CNTNAP2: variants seen among roughly 807,000 people sequenced by gnomAD.
CNTNAP2 encodes contactin associated protein 2.
In CNTNAP2, 98 loss-of-function variants were observed where a neutral mutation model predicts 155.2. That is an observed-to-expected ratio of 0.63 (90% confidence interval 0.54 to 0.75). CNTNAP2 has a LOEUF of 0.75. CNTNAP2 is among the 30% of genes least tolerant of loss of function. The pLI, the probability that CNTNAP2 is intolerant of heterozygous loss-of-function variation, is 0.00. For synonymous variants in CNTNAP2, 651 were observed against 631.2 expected (o/e 1.03, Z -0.47); for missense variants, 1,727 against 1,688.1 (o/e 1.02, Z -0.40).
At chr7:146,874,129 A>G (rs1319021429) in intron 3 of CNTNAP2, among the ~76,000 whole-genome samples, 2 of 152,050 alleles carry the variant, frequency 1.3e-5, no homozygotes, top group African/African-American at 4.8e-5. Context: ...GAAGAAGGAA[A>G]TATCAAGTCT....
intron 2 of CNTNAP2, among the ~76,000 whole-genome samples, chr7:146,824,859 C>A (rs534474585): frequency 1.8e-4 from 7 of 39,082 alleles, no homozygotes; most frequent in African/African-American, 5.4e-4. Flanking sequence ...GAATTTTGGA[C>A]CTGTTTTTTT....
At chr7:146,938,041 C>G (rs1368467882) in intron 3 of CNTNAP2, among the ~76,000 whole-genome samples, 2 of 152,054 alleles carry the variant, frequency 1.3e-5, no homozygotes, top group African/African-American at 4.8e-5. Flanking sequence ...GTCATGAGGT[C>G]GTTTGAACCA....
chr7:147,351,613 G>C (rs927762101), intron 9 of CNTNAP2, among the ~76,000 whole-genome samples: 1 of 151,732 alleles, frequency 6.6e-6, no homozygotes, highest in Non-Finnish European at 1.5e-5. Context: ...ATTTGTTATA[G>C]TCTAAATTTG....
intron 10 of CNTNAP2, among the ~76,000 whole-genome samples, chr7:147,469,353 C>T (rs1254907962): frequency 1.3e-5 from 2 of 151,886 alleles, no homozygotes; most frequent in Admixed American, 1.3e-4. Flanking sequence ...TCTGAAAACC[C>T]CTAATTGAAG....
rs116945539 is a variant in CNTNAP2, at chr7:147,227,668, T to C, written c.1349-72473T>C. On this transcript the variant is annotated intron_variant, in intron 8 of 23. Transcript: ENST00000361727. The stretch of plus-strand genomic sequence containing the variant: ...TTAGAAAGTTCAAAGTTGTCATAAA[T>C]TGAGATGGCAAAGGTTACATACAGC... 2.5e-3 allele frequency among the ~76,000 whole-genome samples: 381 copies of C among 152,240 alleles called. 2 individuals are homozygous for C. Among genetic ancestry groups the C allele is most frequent in the South Asian group, 0.021 (100 of 4,824 alleles).
intron 1 of CNTNAP2, among the ~76,000 whole-genome samples, chr7:146,673,042 ATTTT>A (rs953868601): frequency 6.6e-6 from 1 of 151,434 alleles, no homozygotes; most frequent in African/African-American, 2.4e-5. Flanking sequence ...TTTACTTCTC[ATTTT>A]TTTTCCATTA....
chr7:147,311,898 T>G (rs764740967), intron 9 of CNTNAP2, among the ~76,000 whole-genome samples: 3 of 152,152 alleles, frequency 2.0e-5, no homozygotes, highest in Non-Finnish European at 2.9e-5. Context: ...CTGTTATTGC[T>G]TATTTTGTCT....
intron 18 of CNTNAP2, among the ~76,000 whole-genome samples, chr7:148,173,433 A>G (rs1404667556): frequency 6.6e-6 from 1 of 152,234 alleles, no homozygotes; most frequent in East Asian, 1.9e-4. Context: ...TCAGACTCTG[A>G]TGAATACATG....
intron 1 of CNTNAP2, among the ~76,000 whole-genome samples, chr7:146,475,011 G>GCGCA (rs375026615): frequency 7.4e-6 from 1 of 134,656 alleles, no homozygotes; most frequent in African/African-American, 2.7e-5. Flanking sequence ...GCGCGCGCGC[G>GCGCA]CGCACACACA....
chr7:146,461,079 C>T (rs868271021), intron 1 of CNTNAP2, among the ~76,000 whole-genome samples: 2 of 151,990 alleles, frequency 1.3e-5, no homozygotes, highest in Non-Finnish European at 2.9e-5. Flanking sequence ...CACTGTACAC[C>T]ATAAAAATAT....
At chr7:148,218,649 C>T (rs1381004832) in intron 19 of CNTNAP2, among the ~76,000 whole-genome samples, 3 of 152,130 alleles carry the variant, frequency 2.0e-5, no homozygotes, top group Non-Finnish European at 4.4e-5. Flanking sequence ...CTGCCTTGGC[C>T]AAAGTGCTGG....
At chr7:147,908,830 T>C (rs555208638) in intron 14 of CNTNAP2, among the ~76,000 whole-genome samples, 1 of 152,206 alleles carries the variant, frequency 6.6e-6, no homozygotes, top group South Asian at 2.1e-4. Context: ...CAAAGCATCA[T>C]TGGATTAAGA....
chr7:148,223,684 T>C (rs1434318528), intron 19 of CNTNAP2, among the ~76,000 whole-genome samples: 1 of 152,260 alleles, frequency 6.6e-6, no homozygotes, highest in Non-Finnish European at 1.5e-5. Flanking sequence ...CATTACTGTT[T>C]ATAGATAGTC....
chr7:148,296,042 C>T (rs977481314), intron 21 of CNTNAP2, among the ~76,000 whole-genome samples: 10 of 152,148 alleles, frequency 6.6e-5, no homozygotes, highest in African/African-American at 2.4e-4. Context: ...TATCAAGTAA[C>T]ATGTTTAAAA....
rs73459482 is a variant in CNTNAP2, at chr7:147,490,902, G to A, written c.1777+4861G>A. Among the ~76,000 whole-genome samples the A allele has an allele frequency of 3.9e-5, 6 of 152,222 alleles. No homozygotes were observed. The East Asian group carries it at 7.8e-4, about 20-fold the overall frequency. ...GGTGGCAGGAGAGAGAATTGCAAGC[G>A]AAGGGGGAAGAACCCCTTATAAAAC... On this transcript the variant is annotated intron_variant, in intron 11 of 23. Coordinates refer to ENST00000361727, the MANE Select transcript of CNTNAP2 (RefSeq NM_014141.6).
chr7:147,590,359 G>C (rs1332724021), intron 12 of CNTNAP2, among the ~76,000 whole-genome samples: 1 of 152,084 alleles, frequency 6.6e-6, no homozygotes, highest in Non-Finnish European at 1.5e-5. Flanking sequence ...GGAGATAATT[G>C]AATCATGGGG....
intron 15 of CNTNAP2, among the ~76,000 whole-genome samples, chr7:148,108,514 T>A (rs1023859098): frequency 2.0e-5 from 3 of 152,194 alleles, no homozygotes; most frequent in African/African-American, 7.2e-5. Flanking sequence ...AAGTGACCGC[T>A]GCAGGCTTAG....
At chr7:147,141,950 C>A (rs999435214) in intron 8 of CNTNAP2, among the ~76,000 whole-genome samples, 1 of 152,138 alleles carries the variant, frequency 6.6e-6, no homozygotes, top group Non-Finnish European at 1.5e-5. Context: ...CTGAAGTTGC[C>A]TATCAGCTTA....
chr7:147,759,645 G>A (rs1049113331), intron 13 of CNTNAP2, among the ~76,000 whole-genome samples: 37 of 152,160 alleles, frequency 2.4e-4, no homozygotes, highest in Non-Finnish European at 4.9e-4. Flanking sequence ...AAATGTCTGC[G>A]ATCACTAGTG....
Sources: gnomAD v4.1 joint callset for allele counts (sites outside exome capture counted in the v4.1 genomes callset) on GRCh38, gnomAD v4.1.1 for gene constraint, MANE v1.5 for transcripts, NCBI Gene and HGNC (gene_info 2026-07-23, HGNC 2026-07-21) for gene names.